The following LRP1B variants were observed in gnomAD, a reference collection of about 807,000 sequenced individuals.
LRP1B encodes LDL receptor related protein 1B.
LRP1B carries 217 observed loss-of-function variants against 556.6 expected under a neutral mutation model. The ratio of observed to expected loss-of-function variants is 0.39; its 90% CI spans 0.35 to 0.44. The LOEUF is 0.44. Ranked by LOEUF, LRP1B falls within the 20% of genes least tolerant of loss-of-function variation. The pLI, the probability that LRP1B is intolerant of heterozygous loss-of-function variation, is 1.00. For missense variants in LRP1B, 5,053 were observed against 5,620.8 expected (o/e 0.90, Z 3.23); for synonymous variants, 2,047 against 1,865.8 (o/e 1.10, Z -2.50).
chr2:141,821,684 A>T (rs1473741384), intron 1 of LRP1B, among the ~76,000 whole-genome samples: 1 of 152,188 alleles, frequency 6.6e-6, no homozygotes, highest in Non-Finnish European at 1.5e-5. Flanking sequence ...CACCAAAAAA[A>T]TTATAAGTAA....
intron 6 of LRP1B, among the ~76,000 whole-genome samples, chr2:141,189,421 A>G (rs1681402107): frequency 6.6e-6 from 1 of 152,016 alleles, no homozygotes; most frequent in Non-Finnish European, 1.5e-5. Context: ...ACAAAGAACA[A>G]TGTATAGCCA....
At chr2:140,934,282 C>G (rs558490905) in intron 20 of LRP1B, among the ~76,000 whole-genome samples, 1 of 152,108 alleles carries the variant, frequency 6.6e-6, no homozygotes, top group African/African-American at 2.4e-5. Flanking sequence ...AAAGCCAGTG[C>G]TTTACTCTCA....
intron 2 of LRP1B, among the ~76,000 whole-genome samples, chr2:141,580,816 A>G (rs560486266): frequency 6.6e-6 from 1 of 152,362 alleles, no homozygotes; most frequent in South Asian, 2.1e-4. Context: ...AGTTTCACAG[A>G]TAAAGAGAAA....
chr2:140,977,984 T>C (rs1696655809), intron 18 of LRP1B, among the ~76,000 whole-genome samples: 1 of 152,212 alleles, frequency 6.6e-6, no homozygotes, highest in Non-Finnish European at 1.5e-5. Context: ...TCCAATTCCT[T>C]GACACAAGGT....
intron 1 of LRP1B, among the ~76,000 whole-genome samples, chr2:142,010,140 C>G (rs932408871): frequency 1.6e-4 from 25 of 152,038 alleles, no homozygotes; most frequent in African/African-American, 5.8e-4. Context: ...TTTGTCACAA[C>G]TGAGGGGGAG....
At chr2:141,885,826 A>G (rs544719863) in intron 1 of LRP1B, among the ~76,000 whole-genome samples, 1 of 152,356 alleles carries the variant, frequency 6.6e-6, no homozygotes, top group South Asian at 2.1e-4. Flanking sequence ...GGAAAAACTG[A>G]AAGCTTGTGG....
intron 60 of LRP1B, among the ~76,000 whole-genome samples, chr2:140,461,065 AAAAGAAAAAAAAAAAAAAAG>A (rs1199018786): frequency 6.7e-6 from 1 of 150,178 alleles, no homozygotes; most frequent in East Asian, 1.9e-4. Flanking sequence ...TCTGACTCAA[AAAAGAAAAAAAAAAAAAAAG>A]AAAGAAAGAA....
chr2:141,048,728 T>C (rs761547559), intron 11 of LRP1B, among the ~76,000 whole-genome samples: 2 of 152,106 alleles, frequency 1.3e-5, no homozygotes, highest in Non-Finnish European at 2.9e-5. Flanking sequence ...AGAAGATGGA[T>C]AATAGTTCAG....
intron 43 of LRP1B, among the ~76,000 whole-genome samples, chr2:140,542,881 A>C (rs757785499): frequency 6.6e-6 from 1 of 152,078 alleles, no homozygotes; most frequent in Non-Finnish European, 1.5e-5. Context: ...GTGCGAGCCA[A>C]CTCCTCCAGG....
chr2:141,005,375 G>C lies in LRP1B; in HGVS notation c.2463C>G (p.Ala821=), dbSNP rs770657509. Residue 821 remains alanine (A), a synonymous_variant, in exon 15 of 91, where the codon GCC becomes GCG. Transcript: ENST00000389484. The stretch of plus-strand genomic sequence containing the variant: ...CATTTTCATCCAAAAGTTGATTATC[G>C]GCACAAGCACACACCCGGCCTCCTG... ...AIPGGRVCAC[A]DNQLLDENGT... 9.1e-5 allele frequency: 147 copies of C among 1,609,808 alleles called. No individual in the cohort carries two copies. The highest frequency in any genetic ancestry group is 8.5e-6 in the Non-Finnish European group (10 of 1,177,386).
intron 72 of LRP1B, among the ~76,000 whole-genome samples, chr2:140,360,604 C>T (rs1004021445): frequency 6.6e-6 from 1 of 151,616 alleles, no homozygotes; most frequent in Non-Finnish European, 1.5e-5. Context: ...AAGACTAGCA[C>T]ATTCCAGCAT....
At chr2:140,763,787 A>G (rs1689009161) in intron 35 of LRP1B, among the ~76,000 whole-genome samples, 1 of 152,114 alleles carries the variant, frequency 6.6e-6, no homozygotes, top group Non-Finnish European at 1.5e-5. Context: ...TAGTATTGAT[A>G]AGTTTTTATT....
intron 35 of LRP1B, among the ~76,000 whole-genome samples, chr2:140,733,543 C>A (rs925556355): frequency 2.6e-5 from 4 of 152,018 alleles, no homozygotes; most frequent in African/African-American, 4.8e-5. Flanking sequence ...AAAGGCGCAC[C>A]CTACTAACAC....
intron 3 of LRP1B, among the ~76,000 whole-genome samples, chr2:141,300,082 C>T (rs529155054): frequency 6.6e-6 from 1 of 152,184 alleles, no homozygotes; most frequent in Non-Finnish European, 1.5e-5. Flanking sequence ...CATGAAGATA[C>T]AACAAGAAGT....
chr2:141,723,414 ATGT>A (rs569648957), intron 2 of LRP1B, among the ~76,000 whole-genome samples: 187 of 151,386 alleles, frequency 1.2e-3, no homozygotes, highest in African/African-American at 4.3e-3. Flanking sequence ...GTTGCCTCAC[ATGT>A]TGTACAGATG....
chr2:140,721,759 A>G (rs1416554591), intron 35 of LRP1B, among the ~76,000 whole-genome samples: 1 of 146,956 alleles, frequency 6.8e-6, no homozygotes, highest in Non-Finnish European at 1.5e-5. Context: ...AGGTAGCACC[A>G]TGTTAGCCAG....
intron 5 of LRP1B, among the ~76,000 whole-genome samples, chr2:141,244,173 C>T (rs1437576050): frequency 6.6e-6 from 1 of 152,178 alleles, no homozygotes; most frequent in Non-Finnish European, 1.5e-5. Flanking sequence ...ACATAAAGGG[C>T]TATTTCTCAG....
chr2:141,362,062 T>C (rs934028261), intron 3 of LRP1B, among the ~76,000 whole-genome samples: 2 of 152,216 alleles, frequency 1.3e-5, no homozygotes, highest in African/African-American at 4.8e-5. Flanking sequence ...ATATTTCCTA[T>C]TACTTGTGTA....
chr2:140,319,319 T>A (rs531801840), intron 82 of LRP1B, among the ~76,000 whole-genome samples: 1 of 152,204 alleles, frequency 6.6e-6, no homozygotes, highest in South Asian at 2.1e-4. Flanking sequence ...CATTATTAGT[T>A]TATTTCTGTG....
Sources: gnomAD v4.1 joint callset for allele counts (sites outside exome capture counted in the v4.1 genomes callset) on GRCh38, gnomAD v4.1.1 for gene constraint, MANE v1.5 for transcripts, NCBI Gene and HGNC (gene_info 2026-07-23, HGNC 2026-07-21) for gene names.